Variants in CAMK2D observed in about 807,000 individuals in gnomAD.
The protein encoded by CAMK2D is calcium/calmodulin dependent protein kinase II delta.
Under a neutral mutation model 84.0 loss-of-function variants are expected in CAMK2D, and 37 were observed. That is an observed-to-expected ratio of 0.44 (90% CI 0.34 to 0.58). CAMK2D has a LOEUF of 0.58. Ranked by LOEUF, CAMK2D falls within the 20% of genes least tolerant of loss-of-function variation. The probability of loss-of-function intolerance (pLI) is 0.02; values close to 1 mark genes in which losing one functional copy is unlikely to be tolerated. For synonymous variants in CAMK2D, 202 were observed against 212.5 expected (o/e 0.95, Z 0.43); for missense variants, 448 against 652.5 (o/e 0.69, Z 3.41).
chr4:113,574,980 A>C (rs1245914563), intron 4 of CAMK2D, among the ~76,000 whole-genome samples: 1 of 152,194 alleles, frequency 6.6e-6, no homozygotes, highest in African/African-American at 2.4e-5. Context: ...AGTTGAAGAA[A>C]AAAAATGAAC....
intron 5 of CAMK2D, among the ~76,000 whole-genome samples, chr4:113,548,910 A>T (rs2098603330): frequency 6.6e-6 from 1 of 152,216 alleles, no homozygotes; most frequent in African/African-American, 2.4e-5. Context: ...TTTGGTTCTA[A>T]CAAAAATGAC....
intron 2 of CAMK2D, among the ~76,000 whole-genome samples, chr4:113,713,692 C>A (rs1001300981): frequency 2.6e-5 from 4 of 151,260 alleles, no homozygotes; most frequent in African/African-American, 4.8e-5. Flanking sequence ...TCAATCAATT[C>A]TTATGTGATA....
At chr4:113,733,338 T>C (rs1471227755) in intron 2 of CAMK2D, among the ~76,000 whole-genome samples, 4 of 152,226 alleles carry the variant, frequency 2.6e-5, no homozygotes, top group Non-Finnish European at 5.9e-5. Context: ...GAGTAAGCAT[T>C]TTTACTTTAG....
Position 113,492,221 on chromosome 4 carries a change from T to G in CAMK2D, c.1135+8242A>C, listed in dbSNP as rs576464021. ...TTTGCTCTTGCTTTTCTAGTTCTTT[T>G]AATTGTGATGTTAGGGTGTCAATTT... On this transcript the variant is annotated intron_variant, in intron 16 of 20. Transcript: ENST00000511664. Among the ~76,000 whole-genome samples the G allele has an allele frequency of 3.8e-3, 573 of 152,306 alleles. 4 individuals are homozygous for G. The highest frequency in any genetic ancestry group is 0.013 in the African/African-American group (532 of 41,556).
intron 17 of CAMK2D, among the ~76,000 whole-genome samples, chr4:113,461,036 T>C (rs2097366899): frequency 6.6e-6 from 1 of 152,278 alleles, no homozygotes; most frequent in Admixed American, 6.5e-5. Flanking sequence ...ATGTCAAACA[T>C]GTATATTACA....
At chr4:113,555,882 T>C (rs1448348739) in intron 4 of CAMK2D, among the ~76,000 whole-genome samples, 4 of 151,954 alleles carry the variant, frequency 2.6e-5, no homozygotes, top group East Asian at 1.9e-4. Flanking sequence ...GAGCCCTCAT[T>C]TGGGGTCGTT....
At chr4:113,747,225 A>T (rs1351983326) in intron 2 of CAMK2D, among the ~76,000 whole-genome samples, 1 of 151,924 alleles carries the variant, frequency 6.6e-6, no homozygotes, top group Non-Finnish European at 1.5e-5. Flanking sequence ...TCATGGGCAT[A>T]AAGAAGTGAC....
In CAMK2D at chr4:113,716,389, C is replaced by T. The variant is rs550306123; in HGVS notation, c.160+42931G>A. 2.6e-5 allele frequency among the ~76,000 whole-genome samples: 4 copies of T among 152,278 alleles called. No homozygotes were observed. In the South Asian group the frequency reaches 8.3e-4, roughly 32 times the overall value. ...CTTGGGCTGGGCATGGTGGCTCACA[C>T]CTGAAATCCCAGCACTTTGGGAGGC... On this transcript the variant is annotated intron_variant, in intron 2 of 20. Coordinates refer to ENST00000511664, the MANE Select transcript of CAMK2D (RefSeq NM_001321571.2).
chr4:113,634,772 G>A (rs759288499), intron 3 of CAMK2D, among the ~76,000 whole-genome samples: 2 of 152,168 alleles, frequency 1.3e-5, no homozygotes, highest in African/African-American at 4.8e-5. Context: ...AAACAGTCAT[G>A]AAACAAAACC....
intron 15 of CAMK2D, 80 bp from the exon 16 acceptor site, chr4:113,500,591 C>T (rs2098024543): frequency 2.4e-6 from 2 of 841,862 alleles, no homozygotes; most frequent in Non-Finnish European, 3.9e-6. Context: ...TAGTGACATA[C>T]ATATCATGCA....
intron 2 of CAMK2D, among the ~76,000 whole-genome samples, chr4:113,734,382 C>T (rs2099576195): frequency 6.6e-6 from 1 of 152,112 alleles, no homozygotes; most frequent in South Asian, 2.1e-4. Context: ...CATAAAAATA[C>T]TTCTTGAATC....
At chr4:113,517,145 A>T (rs2098295884) in intron 9 of CAMK2D, among the ~76,000 whole-genome samples, 1 of 152,108 alleles carries the variant, frequency 6.6e-6, no homozygotes, top group African/African-American at 2.4e-5. Context: ...AAACTGGTAT[A>T]GTGGGATAAT....
chr4:113,687,961 T>C (rs903165284), intron 2 of CAMK2D, among the ~76,000 whole-genome samples: 3 of 152,198 alleles, frequency 2.0e-5, no homozygotes, highest in African/African-American at 4.8e-5. Flanking sequence ...ATAATACTTA[T>C]ATTTGCAAAA....
chr4:113,481,582 T>C (rs2097701708), intron 16 of CAMK2D, among the ~76,000 whole-genome samples: 1 of 152,130 alleles, frequency 6.6e-6, no homozygotes, highest in African/African-American at 2.4e-5. Context: ...CAAGTTCCAG[T>C]GATTCTTGTG....
chr4:113,514,424 A>C (rs185531733), intron 10 of CAMK2D, among the ~76,000 whole-genome samples: 33 of 152,292 alleles, frequency 2.2e-4, no homozygotes, highest in Non-Finnish European at 3.4e-4. Flanking sequence ...AAAACAAAAC[A>C]AAACCAAACC....
intron 4 of CAMK2D, among the ~76,000 whole-genome samples, chr4:113,561,049 G>C (rs915455441): frequency 6.6e-6 from 1 of 152,084 alleles, no homozygotes; most frequent in Admixed American, 6.6e-5. Context: ...GAACACCTAG[G>C]AAGAAACAGG....
chr4:113,640,100 T>A (rs953847388), intron 3 of CAMK2D, among the ~76,000 whole-genome samples: 1 of 151,370 alleles, frequency 6.6e-6, no homozygotes, highest in Non-Finnish European at 1.5e-5. Flanking sequence ...GCAAGGCTTA[T>A]AGCAGGGAAC....
intron 8 of CAMK2D, among the ~76,000 whole-genome samples, chr4:113,528,328 G>C (rs2098435877): frequency 6.6e-6 from 1 of 152,090 alleles, no homozygotes; most frequent in Non-Finnish European, 1.5e-5. Flanking sequence ...TTCTAAGAGG[G>C]AACTGAGACA....
rs114492273 is a variant in CAMK2D at position 113,526,974 on chromosome 4, C to A, written c.601+4242G>T. On this transcript the variant is annotated intron_variant, in intron 8 of 20. Coordinates refer to ENST00000511664, the MANE Select transcript of CAMK2D (RefSeq NM_001321571.2). ...TTTACACACTGAAGGTTTATGATAA[C>A]CCTGCATTGAGAAAGTCTGTGGTGC... Among the ~76,000 whole-genome samples, 1,281 of 151,018 alleles carry A rather than the reference C, an allele frequency of 8.5e-3. 22 individuals are homozygous for A. The highest frequency in any genetic ancestry group is 0.029 in the African/African-American group (1,210 of 41,082).
Sources: gnomAD v4.1 joint callset for allele counts (sites outside exome capture counted in the v4.1 genomes callset) on GRCh38, gnomAD v4.1.1 for gene constraint, MANE v1.5 for transcripts, NCBI Gene and HGNC (gene_info 2026-07-23, HGNC 2026-07-21) for gene names.